The following OR51E1 variants were observed in gnomAD, a reference collection of about 807,000 sequenced individuals.
The protein encoded by OR51E1 is olfactory receptor family 51 subfamily E member 1.
Under a neutral mutation model 11.5 loss-of-function variants are expected in OR51E1, and 9 were observed. The ratio of observed to expected loss-of-function variants is 0.78; its 90% confidence interval spans 0.47 to 1.37. OR51E1 has a LOEUF of 1.37. OR51E1 is among the 40% of genes most tolerant of loss of function. OR51E1 has a pLI of 0.00. For synonymous variants in OR51E1, 168 were observed against 158.3 expected, an observed-to-expected ratio of 1.06 and a Z score of -0.46; for missense variants, 397 against 410.2, an observed-to-expected ratio of 0.97 and a Z score of 0.28.
chr11:4,647,842 TA>T (rs34898443), intron 1 of OR51E1, among the ~76,000 whole-genome samples: 12 of 150,436 alleles, frequency 8.0e-5, no homozygotes, highest in East Asian at 1.9e-4. Flanking sequence ...GTGAGCTTTC[TA>T]AAAAAAAAAT....
intron 1 of OR51E1, among the ~76,000 whole-genome samples, chr11:4,650,472 C>A (rs1847080709): frequency 6.6e-6 from 1 of 152,132 alleles, no homozygotes. Context: ...GGTTTCTCTG[C>A]CTTAAAACTT....
chr11:4,650,397 A>G (rs1444656346), intron 1 of OR51E1, among the ~76,000 whole-genome samples: 3 of 152,196 alleles, frequency 2.0e-5, no homozygotes, highest in African/African-American at 7.2e-5. Flanking sequence ...GCTGCAGAGA[A>G]GCTGCAGCAG....
chr11:4,650,524 C>A (rs776080094), intron 1 of OR51E1, among the ~76,000 whole-genome samples: 4 of 152,160 alleles, frequency 2.6e-5, no homozygotes, highest in Non-Finnish European at 5.9e-5. Flanking sequence ...ACCCTCTGTT[C>A]TACTATTCAT....
intron 1 of OR51E1, among the ~76,000 whole-genome samples, chr11:4,649,808 T>C (rs555151455): frequency 6.6e-6 from 1 of 152,198 alleles, no homozygotes; most frequent in Non-Finnish European, 1.5e-5. Context: ...ATACTTACTA[T>C]GTGTGAGGTA....
At position 4,654,177 on chromosome 11, in the gene OR51E1, G is replaced by T. The variant is rs902914272; in HGVS notation, c.*694G>T. The T allele has an allele frequency of 6.0e-6, 1 of 166,938 alleles. No individual in the cohort carries two copies. The highest frequency in any genetic ancestry group is 2.1e-4 in the South Asian group (1 of 4,828). The allele number at this position is 166,938 out of a possible 1,614,324, so 10.3% of individuals were successfully genotyped here. On this transcript the variant is annotated 3_prime_UTR_variant, in exon 2 of 2. Coordinates refer to ENST00000396952, the MANE Select transcript of OR51E1 (RefSeq NM_152430.4). Reference sequence around the variant, plus strand: ...GTAGCCATGGGAAAATTGATGTTCAGTGGGGATCAGTGAATTAAATGGGGT... The same window carrying T: ...GTAGCCATGGGAAAATTGATGTTCATTGGGGATCAGTGAATTAAATGGGGT...
chr11:4,649,401 T>TA (rs1238405583), intron 1 of OR51E1, among the ~76,000 whole-genome samples: 1 of 151,752 alleles, frequency 6.6e-6, no homozygotes, highest in Non-Finnish European at 1.5e-5. Flanking sequence ...GGATGAGAAG[T>TA]AAAAAAAGAC....
intron 1 of OR51E1, among the ~76,000 whole-genome samples, chr11:4,652,153 T>A (rs1847105928): frequency 6.6e-6 from 1 of 152,158 alleles, no homozygotes; most frequent in African/African-American, 2.4e-5. Flanking sequence ...GAGGAAATGG[T>A]GAGATATTTT....
In OR51E1 at chr11:4,653,214, G is replaced by A. The variant is rs1216354156; in HGVS notation, c.688G>A (p.Gly230Ser). ...TCTGCTTATTCTTAAGACTGTGTTG[G>A]GCTTGACACGTGAAGCCCAGGCCAA... The part of the protein sequence containing the change: ...SYLLILKTVL[G>S]LTREAQAKAF... The change falls in exon 2 of 2, where the codon GGC (glycine) becomes AGC (serine). Residue 230 changes from glycine (G) to serine (S), a missense_variant. By Grantham distance (56) the Gly-to-Ser change is moderately conservative. Coordinates refer to ENST00000396952, the MANE Select transcript of OR51E1 (RefSeq NM_152430.4). 1 of 1,614,058 alleles carries A rather than the reference G, an allele frequency of 6.2e-7. No homozygotes were observed. The highest frequency in any genetic ancestry group is 8.5e-7 in the Non-Finnish European group (1 of 1,179,960).
chr11:4,650,570 T>A (rs556086565), intron 1 of OR51E1, among the ~76,000 whole-genome samples: 6 of 152,210 alleles, frequency 3.9e-5, no homozygotes, highest in Non-Finnish European at 7.3e-5. Context: ...CTATCTGGTC[T>A]GAGGAAACCT....
Position 4,652,919 on chromosome 11 carries a change from C to T in OR51E1, c.393C>T (p.His131=). ...MAFDRYVAIC[H]PLRHATVLTL... The stretch of plus-strand genomic sequence containing the variant: ...TTGACCGCTATGTGGCCATCTGTCA[C>T]CCACTGCGCCATGCCACAGTACTTA... Residue 131 remains histidine, a synonymous_variant, in exon 2 of 2, where the codon CAC becomes CAT. Transcript: ENST00000396952. 1 of 1,610,782 alleles carries T rather than the reference C, an allele frequency of 6.2e-7. No homozygotes were observed. Among genetic ancestry groups the T allele is most frequent in the Non-Finnish European group, 8.5e-7 (1 of 1,178,170 alleles).
In OR51E1 at chr11:4,653,310, A is replaced by G. The variant is rs1427146345; in HGVS notation, c.784A>G (p.Met262Val). The G allele has an allele frequency of 3.7e-6, 6 of 1,613,990 alleles. No homozygotes were observed. The highest frequency in any genetic ancestry group is 1.3e-5 in the African/African-American group (1 of 74,884). ...IFYVPFIGLS[M>V]VHRFSKRRDS... ...CTATGTACCTTTCATTGGATTGTCCATGGTGCATCGCTTTAGCAAGCGGCG... is the reference window on the plus strand; with the variant it reads ...CTATGTACCTTTCATTGGATTGTCCGTGGTGCATCGCTTTAGCAAGCGGCG... Residue 262 changes from methionine (M) to valine (V), a missense_variant, in exon 2 of 2, where the codon ATG becomes GTG. By Grantham distance (21) the Met-to-Val change is conservative. Transcript: ENST00000396952.
In OR51E1 at chr11:4,655,152, A is replaced by G. The variant is rs981880666; in HGVS notation, c.*1669A>G. On this transcript the variant is annotated 3_prime_UTR_variant, in exon 2 of 2. Coordinates refer to ENST00000396952, the MANE Select transcript of OR51E1 (RefSeq NM_152430.4). The stretch of plus-strand genomic sequence containing the variant: ...CTTGACACCGGTTATTTTTCATCAA[A>G]CCTGATTCCTTCTGTCCTGAACACA... 6.0e-6 allele frequency: 1 copy of G among 166,984 alleles called. No homozygotes were observed. The highest frequency in any genetic ancestry group is 1.5e-5 in the Non-Finnish European group (1 of 68,108). 10.3% of individuals were successfully genotyped at this position (166,984 alleles called of 1,614,324 possible). A position where few individuals can be genotyped will look rare whatever the true frequency, so the allele number is the denominator to read the frequency against.
chr11:4,649,700 A>G (rs1276693087), intron 1 of OR51E1, among the ~76,000 whole-genome samples: 1 of 152,170 alleles, frequency 6.6e-6, no homozygotes, highest in African/African-American at 2.4e-5. Context: ...GGCAGTCAGG[A>G]TCAGAGAACC....
chr11:4,651,734 T>C (rs1257680624), intron 1 of OR51E1, among the ~76,000 whole-genome samples: 2 of 152,216 alleles, frequency 1.3e-5, no homozygotes, highest in Non-Finnish European at 2.9e-5. Flanking sequence ...CCATCATTCT[T>C]TATTTGAAAT....
Position 4,652,546 on chromosome 11 carries a change from G to A in OR51E1, c.20G>A (p.Gly7Asp). The stretch of plus-strand genomic sequence containing the variant: ...TTCTTCATGATGGTGGATCCCAATG[G>A]CAATGAATCCAGTGCTACATACTTC... MMVDPN[G>D]NESSATYFIL... The change falls in exon 2 of 2, where the codon GGC (glycine) becomes GAC (aspartate). Residue 7 changes from glycine (G) to aspartate (D), a missense_variant. Gly to Asp is a moderately conservative substitution (Grantham distance 94, BLOSUM62 -1). Coordinates refer to ENST00000396952, the MANE Select transcript of OR51E1 (RefSeq NM_152430.4). 1 of 1,612,318 alleles carries A rather than the reference G, an allele frequency of 6.2e-7. No homozygotes were observed. The highest frequency in any genetic ancestry group is 2.2e-5 in the East Asian group (1 of 44,878).
Position 4,653,746 on chromosome 11 carries a change from A to C in OR51E1, c.*263A>C. On this transcript the variant is annotated 3_prime_UTR_variant, in exon 2 of 2. Transcript: ENST00000396952. The stretch of plus-strand genomic sequence containing the variant: ...TCATTTTACCATGCAGTCCAAATCT[A>C]AACTGCTTCTACTGATGGTTTACAG... The C allele has an allele frequency of 2.8e-6, 1 of 363,414 alleles. No homozygotes were observed. The highest frequency in any genetic ancestry group is 5.2e-6 in the Non-Finnish European group (1 of 191,990). 22.5% of individuals were successfully genotyped at this position (363,414 alleles called of 1,614,324 possible). A position where few individuals can be genotyped will look rare whatever the true frequency, so the allele number is the denominator to read the frequency against.
chr11:4,648,009 C>T (rs1847049429), intron 1 of OR51E1, among the ~76,000 whole-genome samples: 1 of 152,188 alleles, frequency 6.6e-6, no homozygotes, highest in South Asian at 2.1e-4. Flanking sequence ...CTCTGCCTGT[C>T]TCGTGGAGGG....
chr11:4,645,528 A>C (rs1459739932), intron 1 of OR51E1, among the ~76,000 whole-genome samples: 1 of 152,208 alleles, frequency 6.6e-6, no homozygotes, highest in Non-Finnish European at 1.5e-5. Context: ...GGAAGGCTGG[A>C]ACGATATCTC....
chr11:4,648,416 A>G (rs139602296), intron 1 of OR51E1, among the ~76,000 whole-genome samples: 136 of 152,324 alleles, frequency 8.9e-4, no homozygotes, highest in South Asian at 1.4e-3. Context: ...AAAACAATGC[A>G]CTATGTGTAC....
Sources: gnomAD v4.1 joint callset for allele counts (sites outside exome capture counted in the v4.1 genomes callset) on GRCh38, gnomAD v4.1.1 for gene constraint, MANE v1.5 for transcripts, NCBI Gene and HGNC (gene_info 2026-07-23, HGNC 2026-07-21) for gene names.